The following MYO6 variants were observed in gnomAD, a reference collection of about 807,000 sequenced individuals.
MYO6 encodes unconventional myosin-VI.
Under a neutral mutation model 178.7 loss-of-function variants are expected in MYO6, and 74 were observed. The ratio of observed to expected loss-of-function variants is 0.41; its 90% confidence interval spans 0.34 to 0.50. The LOEUF is 0.50. Ranked by LOEUF, MYO6 falls within the 20% of genes least tolerant of loss-of-function variation. The pLI, the probability that MYO6 is intolerant of heterozygous loss-of-function variation, is 0.09. For missense variants in MYO6, 1,330 were observed against 1,547.4 expected (o/e 0.86, Z 2.36); for synonymous variants, 477 against 504.6 (o/e 0.95, Z 0.73).
At chr6:75,823,171 G>C (rs551144411) in intron 3 of MYO6, among the ~76,000 whole-genome samples, 4 of 152,152 alleles carry the variant, frequency 2.6e-5, no homozygotes, top group Non-Finnish European at 5.9e-5. Flanking sequence ...GAGTCAGGTG[G>C]TTTTTATTGT....
chr6:75,889,605 G>T (rs1489284348), intron 25 of MYO6, among the ~76,000 whole-genome samples: 1 of 152,120 alleles, frequency 6.6e-6, no homozygotes, highest in Admixed American at 6.5e-5. Context: ...AAGAGACAGG[G>T]TTTCACTATG....
intron 1 of MYO6, among the ~76,000 whole-genome samples, chr6:75,808,391 T>C (rs1282749724): frequency 6.6e-6 from 1 of 152,196 alleles, no homozygotes; most frequent in Non-Finnish European, 1.5e-5. Context: ...TCTCTCTTCC[T>C]CTTATTATAT....
intron 8 of MYO6, 72 bp downstream of exon 8, chr6:75,840,754 G>C: frequency 9.1e-7 from 1 of 1,103,486 alleles, no homozygotes; most frequent in Non-Finnish European, 1.4e-6. Context: ...AGTTGGTGCT[G>C]TATTTGCACT....
Position 75,888,010 on chromosome 6 carries a change from T to TG in MYO6, c.2658+1020dup, listed in dbSNP as rs750173560. 1.5e-4 allele frequency among the ~76,000 whole-genome samples: 21 copies of TG among 141,396 alleles called. No individual in the cohort carries two copies. In the East Asian group the frequency reaches 4.2e-3, roughly 28 times the overall value. The allele number at this position is 141,396 out of a possible 152,430, so 92.8% of individuals were successfully genotyped here. A position where few individuals can be genotyped will look rare whatever the true frequency, so the allele number is the denominator to read the frequency against. ...AATAAATAAATAAAAATAAAAGTGG[T>TG]GGGGCATGGTGGCTCCTGCCTGTAA... On this transcript the variant is annotated intron_variant, in intron 25 of 34. Transcript: ENST00000369977.
Position 75,880,080 on chromosome 6 carries a change from A to G in MYO6, c.2246A>G (p.Tyr749Cys). Reference sequence around the variant, plus strand: ...GCTTTGGGCTTAAATGAAAATGACTACAAGTTTGGGTTAACCAAAGTATTT... The same window carrying G: ...GCTTTGGGCTTAAATGAAAATGACTGCAAGTTTGGGTTAACCAAAGTATTT... Reference protein sequence around the residue: ...FKALGLNENDYKFGLTKVFFR... With the variant: ...FKALGLNENDCKFGLTKVFFR... Residue 749 changes from tyrosine (Y) to cysteine (C), a missense_variant, in exon 22 of 35, where the codon TAC (tyrosine) becomes TGC (cysteine). Around this residue, in one of 3 missense-constraint regions of MYO6, gnomAD observed 613 missense variants for 816.8 expected, o/e 0.75. Coordinates refer to ENST00000369977, the MANE Select transcript of MYO6 (RefSeq NM_004999.4). The G allele has an allele frequency of 6.2e-7, 1 of 1,612,026 alleles. No homozygotes were observed. Among genetic ancestry groups the G allele is most frequent in the Non-Finnish European group, 8.5e-7 (1 of 1,179,736 alleles).
intron 1 of MYO6, among the ~76,000 whole-genome samples, chr6:75,810,797 G>C (rs1182344707): frequency 6.6e-6 from 1 of 152,226 alleles, no homozygotes; most frequent in East Asian, 1.9e-4. Flanking sequence ...TTGAGGCCTA[G>C]CCTAGTTGAG....
chr6:75,856,623 G>T (rs901979853), intron 12 of MYO6, among the ~76,000 whole-genome samples: 1 of 151,550 alleles, frequency 6.6e-6, no homozygotes, highest in African/African-American at 2.4e-5. Context: ...CTCTGTGTCT[G>T]TACCTGCAAC....
intron 7 of MYO6, among the ~76,000 whole-genome samples, chr6:75,836,674 C>G (rs1437308539): frequency 6.6e-6 from 1 of 151,810 alleles, no homozygotes; most frequent in Non-Finnish European, 1.5e-5. Flanking sequence ...CCTCTGCCTC[C>G]TGGGTTCAGG....
At chr6:75,888,704 C>G (rs1205361161) in intron 25 of MYO6, among the ~76,000 whole-genome samples, 1 of 151,876 alleles carries the variant, frequency 6.6e-6, no homozygotes, top group African/African-American at 2.4e-5. Context: ...TATAATTTTA[C>G]TTGTTTTTAC....
At chr6:75,866,748 T>A (rs986510732) in intron 17 of MYO6, 127 bp downstream of exon 17, 1 of 1,104,722 alleles carries the variant, frequency 9.1e-7, no homozygotes, top group African/African-American at 1.6e-5. Flanking sequence ...AATTACAAGT[T>A]CAATTCCTCA....
At chr6:75,908,929 G>A (rs1171395702) in intron 32 of MYO6, among the ~76,000 whole-genome samples, 1 of 152,128 alleles carries the variant, frequency 6.6e-6, no homozygotes, top group Admixed American at 6.6e-5. Flanking sequence ...ACACTCACAA[G>A]ATTAAATGTG....
chr6:75,842,952 G>T, intron 9 of MYO6, among the ~76,000 whole-genome samples: 1 of 152,202 alleles, frequency 6.6e-6, no homozygotes, highest in East Asian at 1.9e-4. Flanking sequence ...TGTTTCTGCA[G>T]TGTGAACCAG....
At chr6:75,806,914 C>G (rs561173720) in intron 1 of MYO6, among the ~76,000 whole-genome samples, 1 of 151,858 alleles carries the variant, frequency 6.6e-6, no homozygotes, top group Non-Finnish European at 1.5e-5. Flanking sequence ...CTCTATATTT[C>G]TGTGTGTGTG....
intron 14 of MYO6, among the ~76,000 whole-genome samples, chr6:75,860,308 AAGTACTTACC>A (rs1490118417): frequency 6.6e-6 from 1 of 152,210 alleles, no homozygotes; most frequent in East Asian, 1.9e-4. Flanking sequence ...CAGGTAAAAC[AAGTACTTACC>A]AGTAAGATAA....
rs117250637 is a variant in MYO6 at position 75,813,686 on chromosome 6, G to A, written c.-47-3815G>A. ...TAGCTCTCAGTCTCACCTGTGACCC[G>A]TGGTGAGTATTGCCTGGCTACCACT... On this transcript the variant is annotated intron_variant, in intron 1 of 34. Coordinates refer to ENST00000369977, the MANE Select transcript of MYO6 (RefSeq NM_004999.4). Among the ~76,000 whole-genome samples the A allele has an allele frequency of 1.5e-3, 229 of 152,314 alleles. 3 individuals are homozygous for A. In the East Asian group the frequency reaches 0.027, roughly 18 times the overall value.
rs1374262124 is a variant in MYO6, at chr6:75,919,508, A to G, written c.*4496A>G. On this transcript the variant is annotated 3_prime_UTR_variant, in exon 35 of 35. Transcript: ENST00000369977. ...TAAAAATTGATGTACTGGAAATACAAATAAATAAATGCTCCCTGTGTAGAA... is the reference window on the plus strand; with the variant it reads ...TAAAAATTGATGTACTGGAAATACAGATAAATAAATGCTCCCTGTGTAGAA... The G allele has an allele frequency of 6.6e-6, 1 of 152,644 alleles. No homozygotes were observed. The highest frequency in any genetic ancestry group is 1.5e-5 in the Non-Finnish European group (1 of 68,040). The allele number at this position is 152,644 out of a possible 1,614,324, so 9.5% of individuals were successfully genotyped here. A position where few individuals can be genotyped will look rare whatever the true frequency, so the allele number is the denominator to read the frequency against.
At chr6:75,826,552 G>A (rs917151803) in intron 3 of MYO6, among the ~76,000 whole-genome samples, 1 of 152,104 alleles carries the variant, frequency 6.6e-6, no homozygotes, top group African/African-American at 2.4e-5. Context: ...AGAGAGATGG[G>A]GAGTGGTTCA....
chr6:75,750,123 C>A (rs1342384473), intron 1 of MYO6, among the ~76,000 whole-genome samples: 1 of 142,192 alleles, frequency 7.0e-6, no homozygotes, highest in African/African-American at 2.6e-5. Context: ...TGAGACGGAG[C>A]CTTGGTCTGT....
chr6:75,901,889 A>G (rs976448899), intron 30 of MYO6, among the ~76,000 whole-genome samples: 64 of 152,176 alleles, frequency 4.2e-4, no homozygotes, highest in African/African-American at 1.5e-3. Context: ...ATTATTTTCA[A>G]ATACGTCCCA....
Sources: allele counts gnomAD v4.1 joint callset (sites outside exome capture counted in the v4.1 genomes callset), GRCh38; gene constraint gnomAD v4.1.1; regional missense constraint gnomAD v4.1.1; transcripts MANE v1.5; gene names NCBI Gene and HGNC (gene_info 2026-07-23, HGNC 2026-07-21).